The following DPY19L2 variants were observed in gnomAD, a reference collection of about 807,000 sequenced individuals.
DPY19L2 encodes probable C-mannosyltransferase DPY19L2.
A neutral mutation model predicts 97.9 loss-of-function variants in DPY19L2; 34 were observed. The observed-to-expected ratio is 0.35, with a 90% confidence interval of 0.26 to 0.46. DPY19L2 has a LOEUF of 0.46. DPY19L2 is among the 20% of genes least tolerant of loss of function. The pLI is 1.00. For missense variants in DPY19L2, 623 were observed against 911.4 expected (o/e 0.68, Z 4.07); for synonymous variants, 230 against 307.9 (o/e 0.75, Z 2.65).
chr12:63,668,441 C>A lies in DPY19L2; in HGVS notation c.-48G>T. 4 of 1,506,348 alleles carry A rather than the reference C, an allele frequency of 2.7e-6. No individual in the cohort carries two copies. The highest frequency in any genetic ancestry group is 1.3e-5 in the South Asian group (1 of 76,094). The allele number at this position is 1,506,348 out of a possible 1,614,324, so 93.3% of individuals were successfully genotyped here. ...GGGTCAATTTCAGGCACAGCCCAGC[C>A]GAGTCAGGCGAGGTCCAGAGAGACC... is the stretch of plus-strand genomic sequence containing the variant. On this transcript the variant is annotated 5_prime_UTR_variant, in exon 1 of 22. Transcript: ENST00000324472.
At chr12:63,627,976 T>C (rs1286916052) in intron 6 of DPY19L2, among the ~76,000 whole-genome samples, 1 of 152,130 alleles carries the variant, frequency 6.6e-6, no homozygotes, top group Non-Finnish European at 1.5e-5. Flanking sequence ...AAGGATGAAC[T>C]TCAAAGAGGA....
intron 2 of DPY19L2, 111 bp downstream of exon 2, chr12:63,665,724 A>C: frequency 1.1e-6 from 1 of 898,684 alleles, no homozygotes. Flanking sequence ...TGGTGCACAT[A>C]AAGATGTTCT....
chr12:63,569,166 G>A lies in DPY19L2; in HGVS notation c.2126+58C>T, dbSNP rs528671369. 73 of 1,523,518 alleles carry A rather than the reference G, an allele frequency of 4.8e-5. No homozygotes were observed. The African/African-American group carries it at 9.4e-4, about 20-fold the overall frequency. The allele number at this position is 1,523,518 out of a possible 1,614,324, so 94.4% of individuals were successfully genotyped here. ...AAAGAATCAGGACTACTATAATAAA[G>A]TGAAACATTTGTTGCTCAAAAATAT... On this transcript the variant is annotated intron_variant, in intron 21 of 21. Coordinates refer to ENST00000324472, the MANE Select transcript of DPY19L2 (RefSeq NM_173812.5).
intron 20 of DPY19L2, among the ~76,000 whole-genome samples, chr12:63,570,510 A>T (rs1475204692): frequency 2.0e-5 from 3 of 152,110 alleles, no homozygotes; most frequent in African/African-American, 7.2e-5. Context: ...CACAGTTGTC[A>T]CTTTGGGAAA....
chr12:63,577,530 C>T (rs1880069667), intron 19 of DPY19L2, among the ~76,000 whole-genome samples: 1 of 152,050 alleles, frequency 6.6e-6, no homozygotes, highest in African/African-American at 2.4e-5. Context: ...TATTTGCAAA[C>T]TACCAATCTG....
chr12:63,591,449 G>GC (rs1327870836), intron 16 of DPY19L2, among the ~76,000 whole-genome samples: 1 of 152,046 alleles, frequency 6.6e-6, no homozygotes, highest in Non-Finnish European at 1.5e-5. Flanking sequence ...CTGTACATGT[G>GC]CCCCCTGCAT....
chr12:63,587,088 A>G (rs1459802042), intron 16 of DPY19L2, among the ~76,000 whole-genome samples: 2 of 152,178 alleles, frequency 1.3e-5, no homozygotes, highest in Non-Finnish European at 1.5e-5. Context: ...AAGCATAAAT[A>G]CAGGTAAACC....
intron 8 of DPY19L2, among the ~76,000 whole-genome samples, chr12:63,623,173 G>T (rs1054776969): frequency 1.3e-5 from 2 of 150,742 alleles, no homozygotes; most frequent in East Asian, 1.9e-4. Flanking sequence ...CACTTATGGG[G>T]TTTTTTGTTC....
chr12:63,665,395 C>T (rs1243670813), intron 2 of DPY19L2, among the ~76,000 whole-genome samples: 9 of 151,668 alleles, frequency 5.9e-5, no homozygotes, highest in African/African-American at 2.2e-4. Flanking sequence ...ATCACTGGTG[C>T]CTGGGAGGCA....
At chr12:63,568,840 T>C (rs1451507826) in intron 21 of DPY19L2, among the ~76,000 whole-genome samples, 2 of 152,052 alleles carry the variant, frequency 1.3e-5, no homozygotes, top group Non-Finnish European at 2.9e-5. Context: ...GTTTTGTCAC[T>C]TTTCTTTTAA....
chr12:63,617,158 A>C (rs1356237498), intron 11 of DPY19L2, 146 bp downstream of exon 11: 9 of 586,572 alleles, frequency 1.5e-5, no homozygotes, highest in Non-Finnish European at 2.4e-5. Context: ...AGGATAAGAC[A>C]GATAAAAAGC....
At chr12:63,601,645 C>T (rs1885210435) in intron 12 of DPY19L2, among the ~76,000 whole-genome samples, 1 of 151,678 alleles carries the variant, frequency 6.6e-6, no homozygotes, top group Non-Finnish European at 1.5e-5. Context: ...ATAAAATAAC[C>T]CAAGAAAGAG....
At chr12:63,603,605 A>G (rs1241849978) in intron 12 of DPY19L2, among the ~76,000 whole-genome samples, 1 of 152,110 alleles carries the variant, frequency 6.6e-6, no homozygotes, top group African/African-American at 2.4e-5. Flanking sequence ...CCCACTTATA[A>G]GTGAGAACAT....
At chr12:63,582,582 T>C (rs570354034) in intron 17 of DPY19L2, 57 bp from the exon 18 acceptor site, 18 of 1,524,682 alleles carry the variant, frequency 1.2e-5, no homozygotes, top group Non-Finnish European at 1.4e-5. Flanking sequence ...TTTAAATTAA[T>C]GAAGTATATT....
chr12:63,596,089 T>G (rs773420774), intron 14 of DPY19L2, 52 bp from the exon 15 acceptor site: 4 of 1,517,856 alleles, frequency 2.6e-6, no homozygotes, highest in African/African-American at 1.4e-5. Flanking sequence ...TTACATTAAA[T>G]TAGTAAACAC....
At chr12:63,637,956 T>G (rs1892028961) in intron 6 of DPY19L2, among the ~76,000 whole-genome samples, 1 of 152,150 alleles carries the variant, frequency 6.6e-6, no homozygotes, top group Non-Finnish European at 1.5e-5. Flanking sequence ...ACAAAAATCC[T>G]CAATAAAATA....
chr12:63,646,394 A>C (rs1394614203), intron 5 of DPY19L2, among the ~76,000 whole-genome samples: 1 of 152,146 alleles, frequency 6.6e-6, no homozygotes, highest in African/African-American at 2.4e-5. Flanking sequence ...AAAAAGTATA[A>C]TTGCCCCTCA....
chr12:63,570,998 CAAT>C, intron 19 of DPY19L2, 141 bp from the exon 20 acceptor site: 1 of 790,878 alleles, frequency 1.3e-6, no homozygotes, highest in Non-Finnish European at 2.0e-6. Flanking sequence ...TTTATTGACT[CAAT>C]AGTTATTCAT....
Position 63,621,343 on chromosome 12 carries a change from T to C in DPY19L2, c.954-6A>G, listed in dbSNP as rs1888662097. On this transcript the variant is annotated splice_polypyrimidine_tract_variant and splice_region_variant and intron_variant, in intron 8 of 21. Coordinates refer to ENST00000324472, the MANE Select transcript of DPY19L2 (RefSeq NM_173812.5). ...TTCTATCATTGCTTGAGGTCCTTAA[T>C]AGAGAGAATTGATACCAGTAAGTTT... is the stretch of plus-strand genomic sequence containing the variant. 2.3e-6 allele frequency: 2 copies of C among 879,016 alleles called. No homozygotes were observed. Among genetic ancestry groups the C allele is most frequent in the Non-Finnish European group, 3.7e-6 (2 of 546,466 alleles). The allele number at this position is 879,016 out of a possible 1,614,324, so 54.5% of individuals were successfully genotyped here. A position where few individuals can be genotyped will look rare whatever the true frequency, so the allele number is the denominator to read the frequency against.
Sources: allele counts gnomAD v4.1 joint callset (sites outside exome capture counted in the v4.1 genomes callset), GRCh38; gene constraint gnomAD v4.1.1; transcripts MANE v1.5; gene names NCBI Gene and HGNC (gene_info 2026-07-23, HGNC 2026-07-21).